The following ATRNL1 variants were observed in gnomAD, a reference collection of about 807,000 sequenced individuals.
ATRNL1 encodes the protein attractin like 1.
Under a neutral mutation model 182.7 loss-of-function variants are expected in ATRNL1, and 95 were observed. That is an observed-to-expected ratio of 0.52 (90% CI 0.44 to 0.62). The LOEUF (loss-of-function observed/expected upper bound fraction) is 0.62, where lower values mean the gene tolerates loss of function less well. Ranked by LOEUF, ATRNL1 falls within the 20% of genes least tolerant of loss-of-function variation. The pLI is 0.00. For synonymous variants in ATRNL1, 576 were observed against 568.3 expected (o/e 1.01, Z -0.19); for missense variants, 1,471 against 1,679.5 (o/e 0.88, Z 2.17).
intron 24 of ATRNL1, among the ~76,000 whole-genome samples, chr10:115,515,144 T>G (rs185594390): frequency 6.6e-6 from 1 of 151,936 alleles, no homozygotes; most frequent in Admixed American, 6.6e-5. Flanking sequence ...CTGGCCTAGT[T>G]CCAGTTAATA....
At chr10:115,379,312 T>G (rs1286377852) in intron 19 of ATRNL1, among the ~76,000 whole-genome samples, 2 of 152,204 alleles carry the variant, frequency 1.3e-5, no homozygotes, top group Non-Finnish European at 2.9e-5. Flanking sequence ...AGCACTGTCA[T>G]GAAGTATAAA....
intron 1 of ATRNL1, among the ~76,000 whole-genome samples, chr10:115,104,196 C>T (rs1189869802): frequency 1.3e-5 from 2 of 152,310 alleles, no homozygotes; most frequent in South Asian, 2.1e-4. Flanking sequence ...TATATCCTTG[C>T]CAGCATTTGT....
At position 115,301,421 on chromosome 10, in the gene ATRNL1, G is replaced by A. The variant is rs571980813; in HGVS notation, c.2630-434G>A. Among the ~76,000 whole-genome samples, 12 of 152,196 alleles carry A rather than the reference G, an allele frequency of 7.9e-5. No individual in the cohort carries two copies. In the East Asian group the frequency reaches 2.1e-3, roughly 27 times the overall value. On this transcript the variant is annotated intron_variant, in intron 16 of 28. Transcript: ENST00000355044. ...GGCTGTGATAAATATTGTATCTTGT[G>A]TAATATTTTATGATAAGCTGTATTT...
At chr10:115,421,770 A>T (rs1845660559) in intron 20 of ATRNL1, among the ~76,000 whole-genome samples, 1 of 152,128 alleles carries the variant, frequency 6.6e-6, no homozygotes, top group African/African-American at 2.4e-5. Flanking sequence ...AAAGCTGGGG[A>T]TACCATGTTA....
chr10:115,403,599 C>T (rs1554957527), intron 20 of ATRNL1, among the ~76,000 whole-genome samples: 1 of 151,864 alleles, frequency 6.6e-6, no homozygotes, highest in Non-Finnish European at 1.5e-5. Flanking sequence ...GGACTACAGG[C>T]ACTCGCCACC....
intron 26 of ATRNL1, among the ~76,000 whole-genome samples, chr10:115,565,173 A>G (rs1854002332): frequency 6.6e-6 from 1 of 152,050 alleles, no homozygotes; most frequent in South Asian, 2.1e-4. Context: ...CCTCTCAAAA[A>G]CTACATGGCT....
intron 26 of ATRNL1, 64 bp from the exon 27 acceptor site, chr10:115,727,184 A>G: frequency 1.8e-6 from 2 of 1,123,778 alleles, no homozygotes; most frequent in Non-Finnish European, 2.7e-6. Context: ...AGGGAACCAG[A>G]TATTGTTGAA....
At chr10:115,831,161 T>C (rs1451692541) in intron 27 of ATRNL1, among the ~76,000 whole-genome samples, 1 of 152,158 alleles carries the variant, frequency 6.6e-6, no homozygotes, top group Non-Finnish European at 1.5e-5. Context: ...TCGTTGGTAT[T>C]TCCCGGTTTG....
chr10:115,473,852 G>T (rs1355796351), intron 24 of ATRNL1, among the ~76,000 whole-genome samples: 1 of 151,158 alleles, frequency 6.6e-6, no homozygotes, highest in Non-Finnish European at 1.5e-5. Flanking sequence ...TATTTAATTT[G>T]TTGGCATACA....
Position 115,093,817 on chromosome 10 carries a change from C to A in ATRNL1, c.67C>A (p.Arg23=). 1 of 1,500,948 alleles carries A rather than the reference C, an allele frequency of 6.7e-7. No individual in the cohort carries two copies. Among genetic ancestry groups the A allele is most frequent in the Non-Finnish European group, 8.9e-7 (1 of 1,126,240 alleles). The allele number at this position is 1,500,948 out of a possible 1,614,324, so 93.0% of individuals were successfully genotyped here. ...AGCGGCCCCGGGGGTGTGGAGGGCT[C>A]GGCCGGCGGGCGGCGGCGGCGGGGG... ...QPAAPGVWRA[R]PAGGGGGGAS... The change falls in exon 1 of 29, where the codon CGG becomes AGG. Residue 23 remains arginine (R), a synonymous_variant. Transcript: ENST00000355044. The surrounding 1 kb of genome is among the most constrained non-coding windows in gnomAD (Gnocchi z 6.1).
Position 115,945,051 on chromosome 10 carries a change from GT to G in ATRNL1, c.*275del. 1 of 238,848 alleles carries G rather than the reference GT, an allele frequency of 4.2e-6. No homozygotes were observed. Among genetic ancestry groups the G allele is most frequent in the Non-Finnish European group, 8.0e-6 (1 of 125,772 alleles). The allele number at this position is 238,848 out of a possible 1,614,324, so 14.8% of individuals were successfully genotyped here. The stretch of plus-strand genomic sequence containing the variant: ...ATTACTCTGGAAAAAGATGTATATT[GT>G]TTCTTAATGAAGATGAAAAATATGT... On this transcript the variant is annotated 3_prime_UTR_variant, in exon 29 of 29. Transcript: ENST00000355044.
intron 20 of ATRNL1, among the ~76,000 whole-genome samples, chr10:115,399,273 C>A (rs543950767): frequency 2.0e-4 from 30 of 151,664 alleles, no homozygotes; most frequent in African/African-American, 7.2e-4. Context: ...GAGAGTATAT[C>A]TGGTAGAATT....
chr10:115,497,644 A>G (rs1849615189), intron 24 of ATRNL1, among the ~76,000 whole-genome samples: 1 of 148,040 alleles, frequency 6.8e-6, no homozygotes, highest in Non-Finnish European at 1.5e-5. Flanking sequence ...TCTCAGTGTA[A>G]GTTAAGTTTA....
At chr10:115,434,487 T>C (rs945372545) in intron 21 of ATRNL1, among the ~76,000 whole-genome samples, 2 of 152,118 alleles carry the variant, frequency 1.3e-5, no homozygotes, top group Non-Finnish European at 2.9e-5. Context: ...TTCAACCCTC[T>C]TAACCATTAA....
chr10:115,587,197 C>G (rs1349956166), intron 26 of ATRNL1, among the ~76,000 whole-genome samples: 4 of 151,314 alleles, frequency 2.6e-5, no homozygotes, highest in Admixed American at 6.6e-5. Flanking sequence ...GAGGTTACTG[C>G]TGTCTTTTTG....
chr10:115,449,663 A>T (rs575520440), intron 21 of ATRNL1, among the ~76,000 whole-genome samples: 3 of 152,274 alleles, frequency 2.0e-5, no homozygotes, highest in South Asian at 4.1e-4. Flanking sequence ...ACCCAGAAGC[A>T]TTCATCCCAG....
At position 115,356,891 on chromosome 10, in the gene ATRNL1, A is replaced by G. The variant is rs1379834124; in HGVS notation, c.3175+22472A>G. On this transcript the variant is annotated intron_variant, in intron 19 of 28. Transcript: ENST00000355044. ...TTTACTTGCTTTCTTTTCAGGAACA[A>G]GTGGACTAATATATCTCTATGTAAT... Among the ~76,000 whole-genome samples, 4 of 152,024 alleles carry G rather than the reference A, an allele frequency of 2.6e-5. No homozygotes were observed. In the East Asian group the frequency reaches 7.7e-4, roughly 29 times the overall value.
intron 26 of ATRNL1, among the ~76,000 whole-genome samples, chr10:115,601,243 C>T (rs940631018): frequency 1.3e-5 from 2 of 152,202 alleles, no homozygotes; most frequent in Admixed American, 1.3e-4. Context: ...ATGTAGACCA[C>T]ATACGTAGAC....
chr10:115,215,396 G>A (rs1398659480), intron 8 of ATRNL1, among the ~76,000 whole-genome samples: 1 of 152,032 alleles, frequency 6.6e-6, no homozygotes, highest in African/African-American at 2.4e-5. Context: ...ATTTTTTTCA[G>A]AGCTATTTAT....
Sources: allele counts gnomAD v4.1 joint callset (sites outside exome capture counted in the v4.1 genomes callset), GRCh38; gene constraint gnomAD v4.1.1; non-coding constraint Gnocchi (gnomAD v3.1); transcripts MANE v1.5; gene names NCBI Gene and HGNC (gene_info 2026-07-23, HGNC 2026-07-21).